Variants in HOOK3 observed in about 807,000 individuals in gnomAD.
The protein encoded by HOOK3 is protein Hook homolog 3.
In HOOK3, 24 loss-of-function variants were observed where a neutral mutation model predicts 116.3. That is an observed-to-expected ratio of 0.21 (90% CI 0.15 to 0.29). The LOEUF (loss-of-function observed/expected upper bound fraction) is 0.29, where lower values mean the gene tolerates loss of function less well. Ranked by LOEUF, HOOK3 falls within the 10% of genes least tolerant of loss-of-function variation. The probability of loss-of-function intolerance (pLI) is 1.00; values close to 1 mark genes in which losing one functional copy is unlikely to be tolerated. For synonymous variants in HOOK3, 275 were observed against 283.0 expected, an observed-to-expected ratio of 0.97 and a Z score of 0.28; for missense variants, 632 against 830.2, an observed-to-expected ratio of 0.76 and a Z score of 2.93.
Position 42,956,223 on chromosome 8 carries a change from CGTGTGTGTGTGT to C in HOOK3, c.469-840_469-829del, listed in dbSNP as rs61448463. 2.4e-4 allele frequency among the ~76,000 whole-genome samples: 32 copies of C among 135,882 alleles called. 1 individual carries two copies. In the Middle Eastern group the frequency reaches 0.014, roughly 61 times the overall value. 89.1% of individuals were successfully genotyped at this position (135,882 alleles called of 152,430 possible). ...TCTCTTTGCAACATAAGGATTAGGG[CGTGTGTGTGTGT>C]GTGTGTGTGTGTGTGTGTGTGTGTG... On this transcript the variant is annotated intron_variant, in intron 6 of 21. Transcript: ENST00000307602.
At chr8:42,981,625 T>G (rs1205620551) in intron 13 of HOOK3, among the ~76,000 whole-genome samples, 1 of 152,148 alleles carries the variant, frequency 6.6e-6, no homozygotes, top group Non-Finnish European at 1.5e-5. Flanking sequence ...GGCTCACGCC[T>G]TTAATCCCAG....
chr8:43,029,043 A>C lies in HOOK3; in HGVS notation c.*10545A>C, dbSNP rs371801252. The C allele has an allele frequency of 2.7e-3, 520 of 191,318 alleles. 2 individuals are homozygous for C. Among genetic ancestry groups the C allele is most frequent in the Non-Finnish European group, 4.4e-3 (400 of 91,304 alleles). 11.9% of individuals were successfully genotyped at this position (191,318 alleles called of 1,614,324 possible). On this transcript the variant is annotated 3_prime_UTR_variant, in exon 22 of 22. Coordinates refer to ENST00000307602, the MANE Select transcript of HOOK3 (RefSeq NM_032410.4). ...ATATTAGTTAAGGGACGTTTTCAAT[A>C]TGCTTGAAATAAGAAATAGCATTTT... is the stretch of plus-strand genomic sequence containing the variant.
At chr8:43,005,279 G>A (rs1019845944) in intron 17 of HOOK3, among the ~76,000 whole-genome samples, 4 of 134,370 alleles carry the variant, frequency 3.0e-5, no homozygotes, top group Non-Finnish European at 6.1e-5. Flanking sequence ...GGAGTGCAGT[G>A]GCGCCATCTC....
chr8:42,995,445 A>G (rs558499837), intron 15 of HOOK3, among the ~76,000 whole-genome samples: 40 of 152,304 alleles, frequency 2.6e-4, no homozygotes, highest in Non-Finnish European at 4.9e-4. Context: ...TTTTATTTCA[A>G]TAATACCCAT....
At position 43,026,644 on chromosome 8, in the gene HOOK3, G is replaced by A. The variant is rs1403083746; in HGVS notation, c.*8146G>A. 1 of 220,388 alleles carries A rather than the reference G, an allele frequency of 4.5e-6. No individual in the cohort carries two copies. Among genetic ancestry groups the A allele is most frequent in the African/African-American group, 2.2e-5 (1 of 44,562 alleles). The allele number at this position is 220,388 out of a possible 1,614,324, so 13.7% of individuals were successfully genotyped here. Reference sequence around the variant, plus strand: ...TAATCAGAAGATGTTCTTACCTTTGGTTTGCCTGCCTCCTGAAACACAAAC... The same window carrying A: ...TAATCAGAAGATGTTCTTACCTTTGATTTGCCTGCCTCCTGAAACACAAAC... On this transcript the variant is annotated 3_prime_UTR_variant, in exon 22 of 22. Transcript: ENST00000307602.
chr8:42,900,661 A>T (rs909811805), intron 1 of HOOK3, among the ~76,000 whole-genome samples: 1 of 152,240 alleles, frequency 6.6e-6, no homozygotes, highest in Non-Finnish European at 1.5e-5. Flanking sequence ...ACTTAAAAAG[A>T]TAGTATAGCA....
chr8:42,898,938 T>C (rs708189), intron 1 of HOOK3, among the ~76,000 whole-genome samples: 2 of 152,332 alleles, frequency 1.3e-5, no homozygotes, highest in South Asian at 2.1e-4. Context: ...TTATAATAAA[T>C]TGTTGAATAT....
At chr8:42,940,185 CA>C (rs1214718018) in intron 4 of HOOK3, among the ~76,000 whole-genome samples, 1 of 151,404 alleles carries the variant, frequency 6.6e-6, no homozygotes, top group African/African-American at 2.5e-5. Flanking sequence ...CACTCCAGCC[CA>C]GGCACCATTG....
Position 42,897,013 on chromosome 8 carries a change from C to G in HOOK3, c.-119C>G. 1 of 683,974 alleles carries G rather than the reference C, an allele frequency of 1.5e-6. No homozygotes were observed. Among genetic ancestry groups the G allele is most frequent in the Non-Finnish European group, 2.1e-6 (1 of 486,854 alleles). The allele number at this position is 683,974 out of a possible 1,614,324, so 42.4% of individuals were successfully genotyped here. The stretch of plus-strand genomic sequence containing the variant: ...CCAGCGCTGGGCGAGAGTCGGCGGC[C>G]GGATCCGAGGAGCAGGCGGGCCTGA... On this transcript the variant is annotated 5_prime_UTR_variant, in exon 1 of 22. Transcript: ENST00000307602.
intron 9 of HOOK3, among the ~76,000 whole-genome samples, chr8:42,965,820 T>TC (rs146837073): frequency 0.025 from 3,757 of 152,220 alleles, 159 homozygotes; most frequent in African/African-American, 0.085. Context: ...AACAGTCCAT[T>TC]CCCTTTGGTC....
intron 4 of HOOK3, among the ~76,000 whole-genome samples, chr8:42,941,161 G>A (rs1021913190): frequency 2.6e-5 from 4 of 151,334 alleles, no homozygotes; most frequent in Non-Finnish European, 5.9e-5. Context: ...TGGCCAGGCT[G>A]GTTTCAAACT....
chr8:42,910,098 T>A (rs957608969), intron 2 of HOOK3, among the ~76,000 whole-genome samples: 1 of 152,202 alleles, frequency 6.6e-6, no homozygotes, highest in Non-Finnish European at 1.5e-5. Context: ...CCATAAAACA[T>A]AAAAATTTGA....
chr8:43,027,479 C>G lies in HOOK3; in HGVS notation c.*8981C>G, dbSNP rs1016446667. On this transcript the variant is annotated 3_prime_UTR_variant, in exon 22 of 22. Coordinates refer to ENST00000307602, the MANE Select transcript of HOOK3 (RefSeq NM_032410.4). Reference sequence around the variant, plus strand: ...AAACGTTTCTCTTCTACCTTACCCCCTGTTCTACTGACGTGCTTTGCATGA... The same window carrying G: ...AAACGTTTCTCTTCTACCTTACCCCGTGTTCTACTGACGTGCTTTGCATGA... 5 of 464,566 alleles carry G rather than the reference C, an allele frequency of 1.1e-5. No homozygotes were observed. The highest frequency in any genetic ancestry group is 2.1e-5 in the Non-Finnish European group (5 of 238,278). The allele number at this position is 464,566 out of a possible 1,614,324, so 28.8% of individuals were successfully genotyped here.
At chr8:42,988,829 A>G (rs1439234178) in intron 15 of HOOK3, among the ~76,000 whole-genome samples, 2 of 152,122 alleles carry the variant, frequency 1.3e-5, no homozygotes, top group Non-Finnish European at 2.9e-5. Context: ...TGTTTGCACA[A>G]TATTTATTCC....
At chr8:42,962,796 C>CTTCTTT (rs1554512590) in intron 8 of HOOK3, among the ~76,000 whole-genome samples, 1,505 of 99,392 alleles carry the variant, frequency 0.015, 135 homozygotes, top group African/African-American at 0.057. Context: ...ACTTCTTCTT[C>CTTCTTT]TTTTTTTTTT....
intron 2 of HOOK3, among the ~76,000 whole-genome samples, chr8:42,911,731 GGA>G (rs1225435963): frequency 1.2e-4 from 18 of 152,210 alleles, no homozygotes; most frequent in African/African-American, 3.4e-4. Context: ...GGTATGTGGG[GGA>G]GTTGACTTTT....
chr8:43,013,269 T>C, intron 20 of HOOK3, 60 bp from the exon 21 acceptor site: 1 of 1,435,668 alleles, frequency 7.0e-7, no homozygotes, highest in Non-Finnish European at 9.5e-7. Flanking sequence ...GTAAGTATTT[T>C]ATTTATATTG....
intron 8 of HOOK3, among the ~76,000 whole-genome samples, chr8:42,962,245 G>A (rs1442083335): frequency 6.6e-6 from 1 of 150,890 alleles, no homozygotes; most frequent in Non-Finnish European, 1.5e-5. Flanking sequence ...ACTAGGCTTG[G>A]CTAAAATTTT....
intron 13 of HOOK3, 36 bp downstream of exon 13, chr8:42,974,230 CT>C (rs770743481): frequency 5.2e-3 from 6,753 of 1,308,674 alleles, no homozygotes; most frequent in South Asian, 6.5e-3. Flanking sequence ...CAGATGATTT[CT>C]TTTTTTTTTG....
Sources: allele counts gnomAD v4.1 joint callset (sites outside exome capture counted in the v4.1 genomes callset), GRCh38; gene constraint gnomAD v4.1.1; transcripts MANE v1.5; gene names NCBI Gene and HGNC (gene_info 2026-07-23, HGNC 2026-07-21).